Variants in CACNA1E observed in about 807,000 individuals in gnomAD.
CACNA1E encodes the protein calcium voltage-gated channel subunit alpha1 E, also known as voltage-dependent R-type calcium channel subunit alpha-1E.
A neutral mutation model predicts 259.2 loss-of-function variants in CACNA1E; 40 were observed. The observed-to-expected ratio is 0.15, with a 90% confidence interval of 0.12 to 0.20. CACNA1E has a LOEUF of 0.20. Ranked by LOEUF, CACNA1E falls within the 10% of genes least tolerant of loss-of-function variation. CACNA1E has a pLI of 1.00. For missense variants in CACNA1E, 1,874 were observed against 3,040.1 expected (o/e 0.62, Z 9.02); for synonymous variants, 1,104 against 1,138.5 (o/e 0.97, Z 0.61).
chr1:181,730,740 A>G (rs1655390050), intron 18 of CACNA1E, among the ~76,000 whole-genome samples: 1 of 152,196 alleles, frequency 6.6e-6, no homozygotes, highest in Non-Finnish European at 1.5e-5. Flanking sequence ...GGGAGTCATG[A>G]GCTGGGGAGC....
At chr1:181,717,366 T>C in intron 11 of CACNA1E, 64 bp downstream of exon 11, 1 of 1,383,162 alleles carries the variant, frequency 7.2e-7, no homozygotes, top group Non-Finnish European at 1.0e-6. Context: ...TTGATGTGTG[T>C]GTGAACGCAA....
chr1:181,569,750 TCTC>T (rs1402534269), intron 3 of CACNA1E, among the ~76,000 whole-genome samples: 3 of 152,116 alleles, frequency 2.0e-5, no homozygotes, highest in Admixed American at 6.5e-5. Flanking sequence ...AACACCCACT[TCTC>T]CTTGAGCGAA....
intron 27 of CACNA1E, among the ~76,000 whole-genome samples, chr1:181,752,555 A>G (rs1657687990): frequency 6.6e-6 from 1 of 152,194 alleles, no homozygotes; most frequent in Admixed American, 6.5e-5. Flanking sequence ...TCCCCAGTGC[A>G]GACCCAGAAC....
intron 12 of CACNA1E, 29 bp downstream of exon 12, chr1:181,718,196 C>G (rs755610756): frequency 7.0e-5 from 82 of 1,170,130 alleles, no homozygotes; most frequent in Non-Finnish European, 1.0e-4. Flanking sequence ...GCCTCTGCTC[C>G]TGCTTCGTGT....
Position 181,807,028 on chromosome 1 carries a change from C to T in CACNA1E, c.*8194C>T, listed in dbSNP as rs529751772. On this transcript the variant is annotated 3_prime_UTR_variant, in exon 48 of 48. Transcript: ENST00000367573. ...GCACTTTGTGCTGTGTGTGGTAGCT[C>T]GTATGTGTTACCCCAGCTATTCAGG... The T allele has an allele frequency of 8.6e-5, 13 of 151,308 alleles. No homozygotes were observed. In the East Asian group the frequency reaches 9.8e-4, roughly 11 times the overall value. The allele number at this position is 151,308 out of a possible 1,614,324, so 9.4% of individuals were successfully genotyped here. A position where few individuals can be genotyped will look rare whatever the true frequency, so the allele number is the denominator to read the frequency against.
intron 7 of CACNA1E, among the ~76,000 whole-genome samples, chr1:181,676,057 G>A (rs1034915194): frequency 2.7e-5 from 4 of 147,998 alleles, no homozygotes; most frequent in African/African-American, 1.0e-4. Flanking sequence ...TACCACCATG[G>A]TATAGAATGT....
chr1:181,436,922 T>C lies in CACNA1E; in HGVS notation c.434+23342T>C, dbSNP rs1165886724. ...TATGTTAATTAGCTTGATTTTATCA[T>C]GTAAAATCTACAATTTAAATATATA... On this transcript the variant is annotated intron_variant, in intron 2 of 11. Transcript: ENST00000524607. Among the ~76,000 whole-genome samples the C allele has an allele frequency of 3.9e-5, 6 of 152,330 alleles. 1 individual carries two copies. In the East Asian group the frequency reaches 7.7e-4, roughly 20 times the overall value.
At chr1:181,567,941 A>G (rs538961243) in intron 3 of CACNA1E, among the ~76,000 whole-genome samples, 45 of 152,068 alleles carry the variant, frequency 3.0e-4, no homozygotes, top group Non-Finnish European at 4.1e-4. Flanking sequence ...GTATGTGTGT[A>G]TATATATATA....
Position 181,402,146 on chromosome 1 carries a change from T to A in CACNA1E, c.-14-10987T>A, listed in dbSNP as rs567827285. ...AATTTTTATAACCAGATGAGATATTTCTTATATATAAATTTGCGAATCAGA... is the reference window on the plus strand; with the variant it reads ...AATTTTTATAACCAGATGAGATATTACTTATATATAAATTTGCGAATCAGA... On this transcript the variant is annotated intron_variant, in intron 1 of 11. Coordinates refer to the CACNA1E transcript ENST00000524607. 2.7e-4 allele frequency among the ~76,000 whole-genome samples: 41 copies of A among 152,346 alleles called. 1 individual carries two copies. Among genetic ancestry groups the A allele is most frequent in the African/African-American group, 9.9e-4 (41 of 41,562 alleles).
chr1:181,511,195 C>T (rs779767381), intron 2 of CACNA1E, among the ~76,000 whole-genome samples, 176 bp from the exon 3 acceptor site: 1 of 152,166 alleles, frequency 6.6e-6, no homozygotes, highest in Admixed American at 6.5e-5. Flanking sequence ...GTCTCCCTTG[C>T]CCTGTGCACT....
At chr1:181,359,108 C>T (rs1653669945) in intron 1 of CACNA1E, among the ~76,000 whole-genome samples, 1 of 152,190 alleles carries the variant, frequency 6.6e-6, no homozygotes, top group South Asian at 2.1e-4. Flanking sequence ...AAAATAGAGG[C>T]TTGGCCTGAT....
chr1:181,636,518 AT>A (rs2101972998), intron 6 of CACNA1E, among the ~76,000 whole-genome samples: 1 of 152,324 alleles, frequency 6.6e-6, no homozygotes, highest in Admixed American at 6.5e-5. Context: ...AATCTCCAGG[AT>A]TTTGTCAAGA....
At chr1:181,629,194 G>A (rs1229462052) in intron 6 of CACNA1E, among the ~76,000 whole-genome samples, 2 of 152,176 alleles carry the variant, frequency 1.3e-5, no homozygotes, top group Non-Finnish European at 2.9e-5. Flanking sequence ...GCAGGTTTGG[G>A]ATTAACTAAC....
At chr1:181,533,767 A>T (rs1443789191) in intron 3 of CACNA1E, among the ~76,000 whole-genome samples, 1 of 151,928 alleles carries the variant, frequency 6.6e-6, no homozygotes, top group Non-Finnish European at 1.5e-5. Context: ...GATTTTTTCC[A>T]CTTATGACTT....
At chr1:181,610,314 C>A (rs2103106485) in intron 6 of CACNA1E, among the ~76,000 whole-genome samples, 1 of 152,252 alleles carries the variant, frequency 6.6e-6, no homozygotes, top group South Asian at 2.1e-4. Context: ...AACCAATAAT[C>A]TAAACATACT....
chr1:181,798,276 C>G lies in CACNA1E; in HGVS notation c.6400-16C>G. 1 of 1,564,330 alleles carries G rather than the reference C, an allele frequency of 6.4e-7. No homozygotes were observed. Among genetic ancestry groups the G allele is most frequent in the Non-Finnish European group, 8.7e-7 (1 of 1,154,326 alleles). On this transcript the variant is annotated splice_polypyrimidine_tract_variant and intron_variant, in intron 47 of 47. Coordinates refer to ENST00000367573, the MANE Select transcript of CACNA1E (RefSeq NM_001205293.3). The surrounding 1 kb of genome is among the most constrained non-coding windows in gnomAD (Gnocchi z 4.2). ...CCAAGCCCAATCTAACATGCCATGTCTCTCCTGCTATACAGGGCACAGGTT... is the reference window on the plus strand; with the variant it reads ...CCAAGCCCAATCTAACATGCCATGTGTCTCCTGCTATACAGGGCACAGGTT...
At chr1:181,734,789 C>G (rs1345886641) in intron 21 of CACNA1E, among the ~76,000 whole-genome samples, 12 of 141,292 alleles carry the variant, frequency 8.5e-5, no homozygotes, top group Non-Finnish European at 9.2e-5. Flanking sequence ...TGACCCCACA[C>G]CTCATCCCTG....
At chr1:181,647,606 G>C (rs73059770) in intron 6 of CACNA1E, among the ~76,000 whole-genome samples, 73 of 152,236 alleles carry the variant, frequency 4.8e-4, no homozygotes, top group Non-Finnish European at 8.1e-4. Flanking sequence ...TTGAGTTGTC[G>C]GTTGCTGCTG....
chr1:181,336,737 C>G (rs571540089), intron 1 of CACNA1E, among the ~76,000 whole-genome samples: 166 of 152,242 alleles, frequency 1.1e-3, no homozygotes, highest in African/African-American at 3.8e-3. Context: ...TCCTCCCTCC[C>G]CCAGCCCTTG....
Sources: allele counts gnomAD v4.1 joint callset (sites outside exome capture counted in the v4.1 genomes callset), GRCh38; gene constraint gnomAD v4.1.1; non-coding constraint Gnocchi (gnomAD v3.1); transcripts MANE v1.5; gene names NCBI Gene and HGNC (gene_info 2026-07-23, HGNC 2026-07-21).